The following RNLS variants were observed in gnomAD, a reference collection of about 807,000 sequenced individuals.
The protein encoded by RNLS is renalase.
In RNLS, 39 loss-of-function variants were observed where a neutral mutation model predicts 39.8. The ratio of observed to expected loss-of-function variants is 0.98; its 90% confidence interval spans 0.76 to 1.28. The LOEUF (loss-of-function observed/expected upper bound fraction) is 1.28, where lower values mean the gene tolerates loss of function less well. Ranked by LOEUF, RNLS falls within the 50% of genes most tolerant of loss-of-function variation. RNLS has a pLI of 0.00. For synonymous variants in RNLS, 147 were observed against 150.7 expected (o/e 0.98, Z 0.18); for missense variants, 410 against 413.3 (o/e 0.99, Z 0.07).
chr10:88,206,030 C>T, the RNLS span, among the ~76,000 whole-genome samples: 5 of 152,180 alleles, frequency 3.3e-5, no homozygotes, highest in African/African-American at 7.2e-5. Flanking sequence ...ACAAGGTTCA[C>T]GTGTTTTCAG....
chr10:88,548,078 G>C (rs1220765051), intron 4 of RNLS, among the ~76,000 whole-genome samples: 1 of 150,152 alleles, frequency 6.7e-6, no homozygotes, highest in Non-Finnish European at 1.5e-5. Flanking sequence ...CCTGGGGAAC[G>C]CGGTGAAACC....
intron 4 of RNLS, among the ~76,000 whole-genome samples, chr10:88,541,761 G>A (rs111748670): frequency 3.9e-5 from 6 of 152,252 alleles, no homozygotes; most frequent in African/African-American, 1.4e-4. Context: ...GACCCTTGAG[G>A]CAAAGAGAAA....
intron 6 of RNLS, chr10:88,309,487 A>G: frequency 7.8e-7 from 1 of 1,287,758 alleles, no homozygotes; most frequent in Non-Finnish European, 1.0e-6. Context: ...CTGTAAGAAA[A>G]ATTCTGCCCT....
At chr10:88,341,537 ACAGT>A (rs1376756264) in intron 5 of RNLS, among the ~76,000 whole-genome samples, 5 of 152,226 alleles carry the variant, frequency 3.3e-5, no homozygotes, top group Admixed American at 6.5e-5. Context: ...TCATTTCACT[ACAGT>A]CAATTTTTTT....
the RNLS span, among the ~76,000 whole-genome samples, chr10:88,199,188 C>G: frequency 1.3e-5 from 2 of 152,170 alleles, no homozygotes; most frequent in African/African-American, 4.8e-5. Context: ...GTCCTCCAAT[C>G]TCAGAGTGGA....
intron 4 of RNLS, among the ~76,000 whole-genome samples, chr10:88,495,133 T>C (rs1845093150): frequency 6.6e-6 from 1 of 152,182 alleles, no homozygotes; most frequent in Admixed American, 6.6e-5. Context: ...TAATTTTAGA[T>C]ATGTTAAACA....
At chr10:88,319,721 T>G (rs1013392475) in intron 5 of RNLS, among the ~76,000 whole-genome samples, 1 of 151,692 alleles carries the variant, frequency 6.6e-6, no homozygotes, top group Non-Finnish European at 1.5e-5. Flanking sequence ...TTCAAATTAA[T>G]CCAGTCAGAC....
chr10:88,446,354 A>G (rs1361531155), intron 4 of RNLS, among the ~76,000 whole-genome samples: 5 of 152,238 alleles, frequency 3.3e-5, no homozygotes, highest in Admixed American at 6.5e-5. Flanking sequence ...TGCCCACAAG[A>G]GAAAGTAGGA....
chr10:88,421,885 T>C (rs932247898), intron 4 of RNLS, among the ~76,000 whole-genome samples: 1 of 152,124 alleles, frequency 6.6e-6, no homozygotes, highest in African/African-American at 2.4e-5. Context: ...CCTCCTCTCT[T>C]AAGAAGCTCC....
intron 6 of RNLS, among the ~76,000 whole-genome samples, chr10:88,289,363 G>A (rs1001868265): frequency 2.6e-5 from 4 of 151,926 alleles, no homozygotes; most frequent in Non-Finnish European, 1.5e-5. Context: ...TTCAAACTCA[G>A]GTTCTTTTTC....
At chr10:88,430,931 G>A (rs564907536) in intron 4 of RNLS, among the ~76,000 whole-genome samples, 1 of 151,692 alleles carries the variant, frequency 6.6e-6, no homozygotes, top group South Asian at 2.1e-4. Flanking sequence ...ATATTGACCT[G>A]TAGTTCTGTT....
chr10:88,450,910 G>A (rs1056227566), intron 4 of RNLS, among the ~76,000 whole-genome samples: 3 of 152,116 alleles, frequency 2.0e-5, no homozygotes, highest in Non-Finnish European at 1.5e-5. Flanking sequence ...GTCAGAGAAG[G>A]GTTTGTGAAG....
At chr10:88,411,270 T>G (rs145899112) in intron 4 of RNLS, among the ~76,000 whole-genome samples, 162 of 152,294 alleles carry the variant, frequency 1.1e-3, no homozygotes, top group African/African-American at 3.7e-3. Flanking sequence ...AATGCAATTT[T>G]CAGAATTGCA....
chr10:88,559,260 A>C (rs910470764), intron 4 of RNLS, among the ~76,000 whole-genome samples: 12 of 152,194 alleles, frequency 7.9e-5, no homozygotes, highest in African/African-American at 2.9e-4. Flanking sequence ...CAGTTTAAGC[A>C]TATGTTAAGG....
the RNLS span, among the ~76,000 whole-genome samples, chr10:88,250,370 G>A: frequency 5.3e-5 from 8 of 152,194 alleles, no homozygotes; most frequent in Non-Finnish European, 1.0e-4. Flanking sequence ...TCTCCATGTG[G>A]CTTTATAAAG....
chr10:88,196,542 G>A, the RNLS span, among the ~76,000 whole-genome samples: 1 of 152,150 alleles, frequency 6.6e-6, no homozygotes. Flanking sequence ...TCAATGCAGT[G>A]TGGATGGCTG....
intron 3 of RNLS, among the ~76,000 whole-genome samples, chr10:88,576,918 A>C (rs1453333379): frequency 3.3e-5 from 5 of 152,176 alleles, no homozygotes; most frequent in Admixed American, 2.6e-4. Flanking sequence ...AAATAAAAAC[A>C]AATAAATGCA....
intron 4 of RNLS, among the ~76,000 whole-genome samples, chr10:88,439,988 A>T (rs1005900434): frequency 1.3e-5 from 2 of 152,136 alleles, no homozygotes; most frequent in East Asian, 3.8e-4. Flanking sequence ...TCCTTCATGA[A>T]CTGCTTGTTA....
At chr10:88,489,038 A>G (rs1844739522) in intron 4 of RNLS, among the ~76,000 whole-genome samples, 1 of 152,324 alleles carries the variant, frequency 6.6e-6, no homozygotes, top group East Asian at 1.9e-4. Context: ...TCTTACCTCG[A>G]AATTCAAGCA....
Sources: gnomAD v4.1 joint callset for allele counts (sites outside exome capture counted in the v4.1 genomes callset) on GRCh38, gnomAD v4.1.1 for gene constraint, MANE v1.5 for transcripts, NCBI Gene and HGNC (gene_info 2026-07-23, HGNC 2026-07-21) for gene names.